Variants in LGR6 observed in about 807,000 individuals in gnomAD.
LGR6 encodes the protein leucine-rich repeat-containing G protein-coupled receptor 6.
LGR6 carries 45 observed loss-of-function variants against 69.4 expected under a neutral mutation model. That is an observed-to-expected ratio of 0.65 (90% CI 0.51 to 0.83). The LOEUF (loss-of-function observed/expected upper bound fraction) is 0.83. Among genes scored for constraint, LGR6 ranks in the 40% least tolerant of loss-of-function variants. The probability of loss-of-function intolerance (pLI) is 0.00; values close to 1 mark genes in which losing one functional copy is unlikely to be tolerated. For synonymous variants in LGR6, 538 were observed against 555.0 expected (o/e 0.97, Z 0.43); for missense variants, 1,108 against 1,246.7 (o/e 0.89, Z 1.68).
At chr1:202,266,201 G>T (rs965301688) in intron 4 of LGR6, among the ~76,000 whole-genome samples, 3 of 152,160 alleles carry the variant, frequency 2.0e-5, no homozygotes, top group Non-Finnish European at 4.4e-5. Flanking sequence ...GCCTGGAGGT[G>T]GGGGAGTGGG....
intron 1 of LGR6, among the ~76,000 whole-genome samples, chr1:202,200,407 G>A (rs1658798760): frequency 6.6e-6 from 1 of 152,214 alleles, no homozygotes; most frequent in African/African-American, 2.4e-5. Context: ...GGGCAGACAT[G>A]CCCTGAGGGG....
At chr1:202,255,371 A>G (rs1663679236) in intron 4 of LGR6, among the ~76,000 whole-genome samples, 1 of 152,160 alleles carries the variant, frequency 6.6e-6, no homozygotes, top group Non-Finnish European at 1.5e-5. Flanking sequence ...TTGAGATTCC[A>G]TTACCAGGAC....
rs138409320 is a variant in LGR6, at chr1:202,232,408, G to A, written c.357-3514G>A. Among the ~76,000 whole-genome samples the A allele has an allele frequency of 5.1e-3, 782 of 152,268 alleles. 5 individuals are homozygous for A. The highest frequency in any genetic ancestry group is 0.012 in the South Asian group (57 of 4,818). Reference sequence around the variant, plus strand: ...AGGACTAGACTTCTACTGGACCAACGGCTGCATGTTAGAGTCAGCTGGGAG... The same window carrying A: ...AGGACTAGACTTCTACTGGACCAACAGCTGCATGTTAGAGTCAGCTGGGAG... On this transcript the variant is annotated intron_variant, in intron 3 of 17. Coordinates refer to ENST00000367278, the MANE Select transcript of LGR6 (RefSeq NM_001017403.2).
chr1:202,236,253 C>A lies in LGR6; in HGVS notation c.428+260C>A, dbSNP rs1661541384. 7 of 516,320 alleles carry A rather than the reference C, an allele frequency of 1.4e-5. No homozygotes were observed. In the Admixed American group the frequency reaches 2.4e-4, roughly 18 times the overall value. The allele number at this position is 516,320 out of a possible 1,614,324, so 32.0% of individuals were successfully genotyped here. On this transcript the variant is annotated intron_variant, in intron 4 of 17. Coordinates refer to ENST00000367278, the MANE Select transcript of LGR6 (RefSeq NM_001017403.2). Reference sequence around the variant, plus strand: ...TGGGGGACTGTGGGAATGGGACCTCCCTAGGTGAGGCCACCAGGCCAGCGG... The same window carrying A: ...TGGGGGACTGTGGGAATGGGACCTCACTAGGTGAGGCCACCAGGCCAGCGG...
chr1:202,248,793 C>T (rs1357630281), intron 4 of LGR6, among the ~76,000 whole-genome samples: 2 of 152,186 alleles, frequency 1.3e-5, no homozygotes, highest in African/African-American at 2.4e-5. Context: ...CCCCATGTTT[C>T]CTAGAAGAAT....
intron 4 of LGR6, 62 bp downstream of exon 4, chr1:202,236,055 G>C (rs1396631150): frequency 7.1e-7 from 1 of 1,408,442 alleles, no homozygotes; most frequent in Non-Finnish European, 1.0e-6. Flanking sequence ...TCACAGCCCA[G>C]GGCCCCCTGC....
At chr1:202,256,414 T>C (rs1468055364) in intron 4 of LGR6, among the ~76,000 whole-genome samples, 2 of 152,140 alleles carry the variant, frequency 1.3e-5, no homozygotes, top group African/African-American at 4.8e-5. Context: ...TGGCTAATTT[T>C]TGTATTTTAG....
At chr1:202,224,074 A>C (rs976582316) in intron 1 of LGR6, among the ~76,000 whole-genome samples, 1 of 152,058 alleles carries the variant, frequency 6.6e-6, no homozygotes, top group African/African-American at 2.4e-5. Flanking sequence ...CAAGGGCCCA[A>C]CGTCTGATAG....
At chr1:202,259,451 A>T (rs1483079672) in intron 4 of LGR6, among the ~76,000 whole-genome samples, 4 of 151,990 alleles carry the variant, frequency 2.6e-5, no homozygotes, top group Non-Finnish European at 5.9e-5. Flanking sequence ...TTAGTGTTTG[A>T]TCTCTTTGGT....
intron 3 of LGR6, among the ~76,000 whole-genome samples, chr1:202,232,142 T>A (rs1476902304): frequency 2.0e-5 from 3 of 150,444 alleles, no homozygotes; most frequent in Non-Finnish European, 4.4e-5. Flanking sequence ...TCCCAATACA[T>A]AAAACAGATG....
intron 4 of LGR6, among the ~76,000 whole-genome samples, chr1:202,245,667 G>A (rs78947793): frequency 6.6e-6 from 1 of 152,292 alleles, no homozygotes; most frequent in East Asian, 1.9e-4. Flanking sequence ...AGTACCCCGG[G>A]TGTTGCGAAC....
chr1:202,206,869 G>A (rs1476216353), intron 1 of LGR6, among the ~76,000 whole-genome samples: 1 of 150,560 alleles, frequency 6.6e-6, no homozygotes, highest in Admixed American at 6.6e-5. Context: ...TTTTTATTTT[G>A]CACTGGGTGC....
At position 202,251,506 on chromosome 1, in the gene LGR6, G is replaced by A. The variant is rs184298192; in HGVS notation, c.428+15513G>A. On this transcript the variant is annotated intron_variant, in intron 4 of 17. Coordinates refer to ENST00000367278, the MANE Select transcript of LGR6 (RefSeq NM_001017403.2). ...AGAGCTCCAGGTTGGGGTATGGGGG[G>A]CAGGAGAGGGAAGAAGAGGAAGCCT... is the stretch of plus-strand genomic sequence containing the variant. 5.9e-4 allele frequency among the ~76,000 whole-genome samples: 90 copies of A among 152,296 alleles called. No individual in the cohort carries two copies. In the South Asian group the frequency reaches 0.012, roughly 20 times the overall value.
rs571169485 is a variant in LGR6 at position 202,194,472 on chromosome 1, G to A, written c.212+271G>A. The A allele has an allele frequency of 2.1e-4, 130 of 628,394 alleles. No individual in the cohort carries two copies. The African/African-American group carries it at 2.1e-3, about 10-fold the overall frequency. The allele number at this position is 628,394 out of a possible 1,614,324, so 38.9% of individuals were successfully genotyped here. ...CTGACTATGGGAGCCCAGGCTTGGC[G>A]AGGTGGGTTCTGGACCCTGAGCGGG... On this transcript the variant is annotated intron_variant, in intron 1 of 17. Coordinates refer to ENST00000367278, the MANE Select transcript of LGR6 (RefSeq NM_001017403.2).
chr1:202,223,042 A>C (rs1043836412), intron 1 of LGR6, among the ~76,000 whole-genome samples: 1 of 151,520 alleles, frequency 6.6e-6, no homozygotes, highest in African/African-American at 2.4e-5. Flanking sequence ...CGAAGGTTGC[A>C]GTGAGCCGAG....
intron 4 of LGR6, among the ~76,000 whole-genome samples, chr1:202,237,857 G>A (rs770857085): frequency 2.6e-5 from 4 of 152,158 alleles, no homozygotes; most frequent in East Asian, 1.9e-4. Flanking sequence ...GGCTCTGATC[G>A]TGACTACTGT....
At chr1:202,310,767 T>C (rs1034278121) in intron 16 of LGR6, among the ~76,000 whole-genome samples, 1 of 152,102 alleles carries the variant, frequency 6.6e-6, no homozygotes, top group Non-Finnish European at 1.5e-5. Context: ...ATTAAATCAA[T>C]TGAATTAAAC....
intron 15 of LGR6, among the ~76,000 whole-genome samples, chr1:202,309,758 G>A (rs1409101180): frequency 1.3e-5 from 2 of 152,216 alleles, no homozygotes; most frequent in Non-Finnish European, 2.9e-5. Context: ...GGAGGGATAG[G>A]GTGCAGGTCT....
chr1:202,284,128 C>T (rs898225534), intron 6 of LGR6, among the ~76,000 whole-genome samples: 3 of 152,012 alleles, frequency 2.0e-5, no homozygotes, highest in Non-Finnish European at 4.4e-5. Context: ...GCCAACTCCA[C>T]CCGCCCCACC....
Sources: allele counts gnomAD v4.1 joint callset (sites outside exome capture counted in the v4.1 genomes callset), GRCh38; gene constraint gnomAD v4.1.1; transcripts MANE v1.5; gene names NCBI Gene and HGNC (gene_info 2026-07-23, HGNC 2026-07-21).